Variants in ATP12A observed in about 807,000 individuals in gnomAD.
ATP12A encodes ATPase H+/K+ transporting non-gastric alpha2 subunit, also known as potassium-transporting ATPase alpha chain 2.
ATP12A carries 81 observed loss-of-function variants against 111.2 expected under a neutral mutation model. The observed-to-expected ratio is 0.73, with a 90% CI of 0.61 to 0.88. ATP12A has a LOEUF of 0.88. Ranked by LOEUF, ATP12A falls within the 40% of genes least tolerant of loss-of-function variation. ATP12A has a pLI of 0.00. For synonymous variants in ATP12A, 498 were observed against 499.8 expected, an observed-to-expected ratio of 1.00 and a Z score of 0.05; for missense variants, 1,196 against 1,313.1, an observed-to-expected ratio of 0.91 and a Z score of 1.38.
rs111714785 is a variant in ATP12A at position 24,690,506 on chromosome 13, T to A, written c.681+34T>A. On this transcript the variant is annotated intron_variant, in intron 6 of 22. Transcript: ENST00000381946. ...CAAGGGGTATCCACCCCAAGGACCATGTTCCAAACCTGCTGGCTCTGGGGT... is the reference window on the plus strand; with the variant it reads ...CAAGGGGTATCCACCCCAAGGACCAAGTTCCAAACCTGCTGGCTCTGGGGT... 14,482 of 1,611,392 alleles carry A rather than the reference T, an allele frequency of 9.0e-3. 800 individuals are homozygous for A. In the African/African-American group the frequency reaches 0.14, roughly 15 times the overall value.
intron 1 of ATP12A, 24 bp from the exon 2 acceptor site, chr13:24,681,538 A>G (rs1469639932): frequency 6.2e-7 from 1 of 1,606,344 alleles, no homozygotes; most frequent in Non-Finnish European, 8.5e-7. Flanking sequence ...TGGGGCCAAT[A>G]TTGCACCTGG....
chr13:24,700,645 G>A, intron 12 of ATP12A, 102 bp from the exon 13 acceptor site: 1 of 1,050,248 alleles, frequency 9.5e-7, no homozygotes, highest in Non-Finnish European at 1.4e-6. Context: ...CTAATGTATT[G>A]GTAAAACAGC....
chr13:24,680,767 C>T lies in ATP12A; in HGVS notation c.9+15C>T. ...GCATGCACCAGGTGCGTGCAGCCCC[C>T]GCGCCGGCCGAGGATGCGAGACGCT... On this transcript the variant is annotated intron_variant, in intron 1 of 22. Coordinates refer to ENST00000381946, the MANE Select transcript of ATP12A (RefSeq NM_001676.7). The T allele has an allele frequency of 6.7e-7, 1 of 1,488,636 alleles. No homozygotes were observed. Among genetic ancestry groups the T allele is most frequent in the South Asian group, 1.3e-5 (1 of 79,058 alleles). 92.2% of individuals were successfully genotyped at this position (1,488,636 alleles called of 1,614,324 possible).
chr13:24,688,616 G>C, intron 4 of ATP12A, 94 bp downstream of exon 4: 1 of 1,230,242 alleles, frequency 8.1e-7, no homozygotes, highest in Non-Finnish European at 1.1e-6. Context: ...CACTGCCTAG[G>C]TGTGGGAAAG....
rs751365574 is a variant in ATP12A, at chr13:24,698,762, C to T, written c.1617C>T (p.Asn539=). The T allele has an allele frequency of 7.4e-5, 120 of 1,614,064 alleles. No individual in the cohort carries two copies. Among genetic ancestry groups the T allele is most frequent in the Admixed American group, 8.3e-5 (5 of 60,022 alleles). ...ILEKCSTIMI[N]GEEHPLDKST... ...AGAAATGCAGCACCATCATGATCAACGGCGAGGAGCACCCACTGGACAAGA... is the reference window on the plus strand; with the variant it reads ...AGAAATGCAGCACCATCATGATCAATGGCGAGGAGCACCCACTGGACAAGA... Residue 539 remains asparagine (N), a synonymous_variant, in exon 12 of 23, where the codon AAC becomes AAT. Coordinates refer to ENST00000381946, the MANE Select transcript of ATP12A (RefSeq NM_001676.7).
rs370861260 is a variant in ATP12A, at chr13:24,702,038, G to A, written c.1985G>A (p.Arg662His). ...NSETVEDIAH[R>H]LNIAVEQVNK... The stretch of plus-strand genomic sequence containing the variant: ...GAAACAGTGGAAGACATTGCACATC[G>A]CCTCAACATTGCTGTGGAGCAAGTT... Residue 662 changes from arginine (R) to histidine (H), a missense_variant, in exon 14 of 23, where the codon CGC (arginine) becomes CAC (histidine). By Grantham distance (29) the Arg-to-His change is conservative. This residue lies in a region of ATP12A where 1,126 missense variants were observed against 1,228.5 expected (regional missense o/e 0.92). Transcript: ENST00000381946. 1.1e-5 allele frequency: 17 copies of A among 1,614,094 alleles called. No homozygotes were observed. Among genetic ancestry groups the A allele is most frequent in the African/African-American group, 2.7e-5 (2 of 74,938 alleles).
chr13:24,710,332 T>A, intron 19 of ATP12A, 128 bp from the exon 20 acceptor site: 1 of 1,139,456 alleles, frequency 8.8e-7, no homozygotes, highest in Non-Finnish European at 1.2e-6. Context: ...TTCCAAACAC[T>A]AGAAGGTGGT....
Position 24,698,832 on chromosome 13 carries a change from T to G in ATP12A, c.1687T>G (p.Leu563Val). Residue 563 changes from leucine to valine, a missense_variant, in exon 12 of 23, where the codon TTG becomes GTG. Coordinates refer to ENST00000381946, the MANE Select transcript of ATP12A (RefSeq NM_001676.7). ...CACAGCCTACATGGAGCTGGGCGGG[T>G]TGGGCGAGCGTGTGCTGGGTGAGTG... ...FHTAYMELGG[L>V]GERVLGFCHL... The G allele has an allele frequency of 1.1e-5, 17 of 1,613,754 alleles. No homozygotes were observed. The highest frequency in any genetic ancestry group is 1.4e-5 in the Non-Finnish European group (17 of 1,179,958).
rs931817254 is a variant in ATP12A at position 24,685,762 on chromosome 13, G to A, written c.228+389G>A. Among the ~76,000 whole-genome samples the A allele has an allele frequency of 2.0e-5, 3 of 152,214 alleles. No homozygotes were observed. The highest frequency in any genetic ancestry group is 2.9e-5 in the Non-Finnish European group (2 of 68,038). On this transcript the variant is annotated intron_variant, in intron 3 of 22. Transcript: ENST00000381946. The surrounding 1 kb of genome is among the most constrained non-coding windows in gnomAD (Gnocchi z 5.5). ...ATGGAAGGGGCCAGAGCCAGCTCTC[G>A]GGCTGCTGCCATGTTTGCGCTGGGA...
At chr13:24,705,644 A>G (rs767806781) in intron 14 of ATP12A, among the ~76,000 whole-genome samples, 11 of 152,146 alleles carry the variant, frequency 7.2e-5, no homozygotes, top group Admixed American at 6.6e-4. Flanking sequence ...GACCCAAAAC[A>G]TATGAACAGG....
intron 2 of ATP12A, among the ~76,000 whole-genome samples, chr13:24,682,059 G>GT (rs1327404350): frequency 1.0e-4 from 13 of 123,832 alleles, no homozygotes; most frequent in Admixed American, 2.4e-4. Context: ...GTGTGTGTAT[G>GT]GTGTGTGTGT....
Position 24,685,180 on chromosome 13 carries a change from C to T in ATP12A, c.169-134C>T. On this transcript the variant is annotated intron_variant, in intron 2 of 22. Coordinates refer to ENST00000381946, the MANE Select transcript of ATP12A (RefSeq NM_001676.7). The surrounding 1 kb of genome is among the most constrained non-coding windows in gnomAD (Gnocchi z 5.5). The stretch of plus-strand genomic sequence containing the variant: ...TGCCTGGCACAGGGGTTCTTTCTCT[C>T]CTGTCCCCCACACTCCTCGATCCCC... 1.3e-6 allele frequency: 1 copy of T among 787,092 alleles called. No homozygotes were observed. The highest frequency in any genetic ancestry group is 2.2e-6 in the Non-Finnish European group (1 of 464,268). 48.8% of individuals were successfully genotyped at this position (787,092 alleles called of 1,614,324 possible).
intron 2 of ATP12A, among the ~76,000 whole-genome samples, chr13:24,683,582 T>C (rs113004012): frequency 0.19 from 28,112 of 151,466 alleles, 3,259 homozygotes; most frequent in African/African-American, 0.33. Context: ...CATTTAACAG[T>C]ATACCACTGG....
rs367975997 is a variant in ATP12A, at chr13:24,711,585, G to A, written c.*63G>A. On this transcript the variant is annotated 3_prime_UTR_variant, in exon 23 of 23. Transcript: ENST00000381946. Reference sequence around the variant, plus strand: ...GGGCACACTTGTTCATCTTCTGACCGTTTGCTGGGCTATTCCCCTGCAGTG... The same window carrying A: ...GGGCACACTTGTTCATCTTCTGACCATTTGCTGGGCTATTCCCCTGCAGTG... 4.7e-5 allele frequency: 75 copies of A among 1,604,320 alleles called. No individual in the cohort carries two copies. The highest frequency in any genetic ancestry group is 1.6e-4 in the Middle Eastern group (1 of 6,066).
chr13:24,709,746 T>C lies in ATP12A; in HGVS notation c.2681T>C (p.Leu894Pro), dbSNP rs201805687. Reference protein sequence around the residue: ...YFTVYAQEGFLPRTLINLRVE... With the variant: ...YFTVYAQEGFPPRTLINLRVE... ...ACCGTCTATGCACAAGAGGGCTTTCTGCCCCGCACTCTCATTAACCTGCGG... is the reference window on the plus strand; with the variant it reads ...ACCGTCTATGCACAAGAGGGCTTTCCGCCCCGCACTCTCATTAACCTGCGG... Residue 894 changes from leucine (L) to proline (P), a missense_variant, in exon 19 of 23, where the codon CTG (leucine) becomes CCG (proline). Leu to Pro is a moderately conservative substitution (Grantham distance 98). Transcript: ENST00000381946. 11 of 1,614,264 alleles carry C rather than the reference T, an allele frequency of 6.8e-6. No individual in the cohort carries two copies. Among genetic ancestry groups the C allele is most frequent in the Admixed American group, 5.0e-5 (3 of 60,028 alleles).
At position 24,692,612 on chromosome 13, in the gene ATP12A, A is replaced by G. The variant is rs1390598171; in HGVS notation, c.1252A>G (p.Ser418Gly). 6.2e-7 allele frequency: 1 copy of G among 1,613,434 alleles called. No homozygotes were observed. Among genetic ancestry groups the G allele is most frequent in the East Asian group, 2.2e-5 (1 of 44,880 alleles). Reference sequence around the variant, plus strand: ...CAATCAGATCTTTGTGGCTGACACCAGTGAGGACCATTCAAGTAAGTCTTA... The same window carrying G: ...CAATCAGATCTTTGTGGCTGACACCGGTGAGGACCATTCAAGTAAGTCTTA... The part of the protein sequence containing the change: ...FDNQIFVADT[S>G]EDHSNQVFDQ... Residue 418 changes from serine (S) to glycine (G), a missense_variant, in exon 9 of 23, where the codon AGT becomes GGT. Transcript: ENST00000381946.
intron 5 of ATP12A, 93 bp from the exon 6 acceptor site, chr13:24,690,245 G>C: frequency 1.3e-6 from 2 of 1,543,116 alleles, no homozygotes; most frequent in Non-Finnish European, 1.7e-6. Context: ...GAAGTTCCAA[G>C]GCCTCTGTCC....
intron 2 of ATP12A, among the ~76,000 whole-genome samples, chr13:24,682,813 C>T (rs1874529626): frequency 6.6e-6 from 1 of 152,096 alleles, no homozygotes; most frequent in South Asian, 2.1e-4. Context: ...ACTGAAGGTC[C>T]ATTTCCTTTA....
chr13:24,709,664 ATCTC>A lies in ATP12A; in HGVS notation c.2618-15_2618-12del, dbSNP rs1875875011. On this transcript the variant is annotated splice_polypyrimidine_tract_variant and intron_variant, in intron 18 of 22. Transcript: ENST00000381946. ...GAGGCCATCATAGAACCTGTGTCCT[ATCTC>A]TCTTGTTCTTTCAGGCCTCATGCAA... 6.2e-7 allele frequency: 1 copy of A among 1,612,728 alleles called. No homozygotes were observed. Among genetic ancestry groups the A allele is most frequent in the South Asian group, 1.1e-5 (1 of 91,062 alleles).
Sources: allele counts gnomAD v4.1 joint callset (sites outside exome capture counted in the v4.1 genomes callset), GRCh38; gene constraint gnomAD v4.1.1; regional missense constraint gnomAD v4.1.1; non-coding constraint Gnocchi (gnomAD v3.1); transcripts MANE v1.5; gene names NCBI Gene and HGNC (gene_info 2026-07-23, HGNC 2026-07-21).